Variants in ANKRD12 observed in about 807,000 individuals in gnomAD.
ANKRD12 encodes ankyrin repeat domain 12.
A neutral mutation model predicts 183.4 loss-of-function variants in ANKRD12; 85 were observed. The ratio of observed to expected loss-of-function variants is 0.46; its 90% CI spans 0.39 to 0.56. The LOEUF (loss-of-function observed/expected upper bound fraction) is 0.56, where lower values mean the gene tolerates loss of function less well. ANKRD12 is among the 20% of genes least tolerant of loss of function. The probability of loss-of-function intolerance (pLI) is 0.00; values close to 1 mark genes in which losing one functional copy is unlikely to be tolerated. For missense variants in ANKRD12, 2,405 were observed against 2,357.1 expected (o/e 1.02, Z -0.42); for synonymous variants, 914 against 800.2 (o/e 1.14, Z -2.40).
At chr18:9,231,418 C>T (rs1385494092) in intron 8 of ANKRD12, among the ~76,000 whole-genome samples, 1 of 152,048 alleles carries the variant, frequency 6.6e-6, no homozygotes, top group East Asian at 1.9e-4. Context: ...AATCTGGGTA[C>T]TGCAGTGTTG....
intron 1 of ANKRD12, among the ~76,000 whole-genome samples, chr18:9,147,576 C>T (rs893729088): frequency 3.3e-5 from 5 of 152,104 alleles, no homozygotes; most frequent in African/African-American, 1.2e-4. Flanking sequence ...CAACTGTGAC[C>T]TATTCAGTGA....
chr18:9,221,986 T>A lies in ANKRD12; in HGVS notation c.930T>A (p.Asp310Glu). 1.2e-6 allele frequency: 2 copies of A among 1,613,902 alleles called. No homozygotes were observed. Among genetic ancestry groups the A allele is most frequent in the East Asian group, 4.5e-5 (2 of 44,862 alleles). Residue 310 changes from aspartate to glutamate, a missense_variant, in exon 8 of 13, where the codon GAT becomes GAA. Transcript: ENST00000262126. ...LKREVPLSDD[D>E]ESYTDSEEAQ... ...GAGAGGTGCCTTTATCTGATGATGA[T>A]GAAAGTTACACAGGTTTGTTTCAGA...
chr18:9,255,188 A>G lies in ANKRD12; in HGVS notation c.1921A>G (p.Lys641Glu), dbSNP rs897311502. The change falls in exon 9 of 13, where the codon AAA (lysine) becomes GAA (glutamate). Residue 641 changes from lysine to glutamate, a missense_variant. Around this residue, in one of 7 missense-constraint regions of ANKRD12, gnomAD observed 1,983 missense variants for 1,725.9 expected, o/e 1.15. Transcript: ENST00000262126. ...ATTTGAAAATTCAGATTGCACACTG[A>G]AAAAAATGGATAAAGAAGGTAAAAC... is the stretch of plus-strand genomic sequence containing the variant. Reference protein sequence around the residue: ...PTFENSDCTLKKMDKEGKTLK... With the variant: ...PTFENSDCTLEKMDKEGKTLK... The G allele has an allele frequency of 1.3e-6, 2 of 1,584,754 alleles. No homozygotes were observed. The highest frequency in any genetic ancestry group is 1.7e-6 in the Non-Finnish European group (2 of 1,171,322).
chr18:9,208,922 A>G, intron 5 of ANKRD12, 119 bp downstream of exon 5: 1 of 1,002,334 alleles, frequency 1.0e-6, no homozygotes, highest in South Asian at 2.7e-5. Flanking sequence ...ATTTAATCAG[A>G]ATTACTTGTA....
chr18:9,209,454 A>T (rs2035660696), intron 5 of ANKRD12, among the ~76,000 whole-genome samples: 1 of 152,214 alleles, frequency 6.6e-6, no homozygotes, highest in Non-Finnish European at 1.5e-5. Context: ...ACTCTGGGTT[A>T]CGTAACAGTC....
intron 10 of ANKRD12, among the ~76,000 whole-genome samples, chr18:9,265,483 T>C (rs2039235823): frequency 6.6e-6 from 1 of 152,174 alleles, no homozygotes; most frequent in Non-Finnish European, 1.5e-5. Flanking sequence ...TCTGCTGTTC[T>C]GCAGTCTCCG....
chr18:9,270,272 G>A (rs1253686947), intron 10 of ANKRD12, among the ~76,000 whole-genome samples: 6 of 152,122 alleles, frequency 3.9e-5, no homozygotes, highest in East Asian at 3.8e-4. Context: ...GGTATATACC[G>A]AAAGGATTAT....
intron 12 of ANKRD12, among the ~76,000 whole-genome samples, chr18:9,280,378 G>T (rs1052822331): frequency 2.0e-5 from 3 of 152,174 alleles, no homozygotes; most frequent in Non-Finnish European, 4.4e-5. Context: ...TTCTGAACAG[G>T]CCATGGATCG....
At position 9,255,791 on chromosome 18, in the gene ANKRD12, G is replaced by C; in HGVS notation, c.2524G>C (p.Glu842Gln). Residue 842 changes from glutamate to glutamine, a missense_variant, in exon 9 of 13, where the codon GAA (glutamate) becomes CAA (glutamine). Physicochemically the swap from Glu to Gln is conservative, Grantham distance 29. Around this residue, in one of 7 missense-constraint regions of ANKRD12, gnomAD observed 1,983 missense variants for 1,725.9 expected, o/e 1.15. Coordinates refer to ENST00000262126, the MANE Select transcript of ANKRD12 (RefSeq NM_015208.5). ...TGAGAAGATGGAAAGAAAAACCTTT[G>C]AAAAAGAAAAGAAGATAAAACATGA... is the stretch of plus-strand genomic sequence containing the variant. ...DIEKMERKTF[E>Q]KEKKIKHEHK... The C allele has an allele frequency of 6.4e-6, 10 of 1,574,240 alleles. No individual in the cohort carries two copies. Among genetic ancestry groups the C allele is most frequent in the Non-Finnish European group, 8.6e-6 (10 of 1,169,258 alleles).
chr18:9,139,459 A>T (rs2078244105), intron 1 of ANKRD12, among the ~76,000 whole-genome samples: 1 of 152,234 alleles, frequency 6.6e-6, no homozygotes, highest in African/African-American at 2.4e-5. Flanking sequence ...AGTGATTTTT[A>T]AAATATCATT....
intron 3 of ANKRD12, among the ~76,000 whole-genome samples, chr18:9,203,167 G>A (rs2035274232): frequency 6.6e-6 from 1 of 152,106 alleles, no homozygotes; most frequent in Non-Finnish European, 1.5e-5. Flanking sequence ...TGAAATATGT[G>A]TTCATTGAAA....
chr18:9,175,451 T>C (rs937885570), intron 1 of ANKRD12, among the ~76,000 whole-genome samples: 17 of 151,704 alleles, frequency 1.1e-4, no homozygotes, highest in African/African-American at 3.9e-4. Flanking sequence ...TGTTCAGTAG[T>C]TTTTCGTCCA....
At chr18:9,183,457 T>A (rs1458323381) in intron 2 of ANKRD12, among the ~76,000 whole-genome samples, 1 of 152,200 alleles carries the variant, frequency 6.6e-6, no homozygotes, top group African/African-American at 2.4e-5. Context: ...AGTGTTGCAT[T>A]CTATTGTTAA....
At chr18:9,239,313 G>A (rs2037524397) in intron 8 of ANKRD12, among the ~76,000 whole-genome samples, 1 of 152,114 alleles carries the variant, frequency 6.6e-6, no homozygotes. Flanking sequence ...TTATAAACTT[G>A]CTTTTAGAAA....
intron 1 of ANKRD12, among the ~76,000 whole-genome samples, chr18:9,178,388 A>G (rs1265632106): frequency 2.0e-5 from 3 of 152,036 alleles, no homozygotes; most frequent in African/African-American, 4.8e-5. Context: ...CCGTTTATTG[A>G]AAGGAATATA....
chr18:9,249,694 CTG>C (rs1297934573), intron 8 of ANKRD12: 1 of 152,192 alleles, frequency 6.6e-6, no homozygotes, highest in African/African-American at 2.4e-5. Flanking sequence ...AAGAATAAAT[CTG>C]TAACTGGGTG....
chr18:9,251,002 T>C (rs1319195312), intron 8 of ANKRD12, among the ~76,000 whole-genome samples: 1 of 152,220 alleles, frequency 6.6e-6, no homozygotes, highest in Non-Finnish European at 1.5e-5. Context: ...GTTTCTTTTT[T>C]AGTTATGGTA....
intron 1 of ANKRD12, among the ~76,000 whole-genome samples, chr18:9,144,578 A>G (rs553134807): frequency 1.3e-5 from 2 of 152,346 alleles, no homozygotes; most frequent in South Asian, 2.1e-4. Context: ...AGTCGTATTC[A>G]TTATGAAGTG....
chr18:9,203,785 A>T (rs1035630806), intron 3 of ANKRD12, among the ~76,000 whole-genome samples: 34 of 152,024 alleles, frequency 2.2e-4, no homozygotes, highest in Non-Finnish European at 4.4e-5. Flanking sequence ...TTGTATTTTT[A>T]GTAGGGATGG....
Sources: allele counts gnomAD v4.1 joint callset (sites outside exome capture counted in the v4.1 genomes callset), GRCh38; gene constraint gnomAD v4.1.1; regional missense constraint gnomAD v4.1.1; transcripts MANE v1.5; gene names NCBI Gene and HGNC (gene_info 2026-07-23, HGNC 2026-07-21).